STX18: variants seen among roughly 807,000 people sequenced by gnomAD.
STX18 encodes the protein syntaxin 18.
Under a neutral mutation model 50.1 loss-of-function variants are expected in STX18, and 40 were observed. The ratio of observed to expected loss-of-function variants is 0.80; its 90% CI spans 0.62 to 1.04. STX18 has a LOEUF of 1.04. Among genes scored for constraint, STX18 ranks in the 50% least tolerant of loss-of-function variants. The pLI is 0.00. For synonymous variants in STX18, 158 were observed against 151.8 expected, an observed-to-expected ratio of 1.04 and a Z score of -0.30; for missense variants, 410 against 415.8, an observed-to-expected ratio of 0.99 and a Z score of 0.12.
At chr4:4,508,569 G>C (rs559499074) in intron 1 of STX18, among the ~76,000 whole-genome samples, 2 of 152,278 alleles carry the variant, frequency 1.3e-5, no homozygotes, top group Admixed American at 1.3e-4. Flanking sequence ...TTTATTTTAA[G>C]TTCTGGGGTA....
intron 5 of STX18, among the ~76,000 whole-genome samples, chr4:4,439,069 C>G: frequency 6.7e-6 from 1 of 149,316 alleles, no homozygotes; most frequent in Non-Finnish European, 1.5e-5. Context: ...CATATATACC[C>G]ACACACATAT....
intron 1 of STX18, among the ~76,000 whole-genome samples, chr4:4,475,594 G>C (rs1728136897): frequency 6.6e-6 from 1 of 152,084 alleles, no homozygotes; most frequent in African/African-American, 2.4e-5. Flanking sequence ...AGAATGATTT[G>C]ACTGTTTAAT....
chr4:4,445,186 G>C (rs1393454780), intron 5 of STX18, among the ~76,000 whole-genome samples: 2 of 152,168 alleles, frequency 1.3e-5, no homozygotes, highest in Admixed American at 6.5e-5. Context: ...TGGATCACCT[G>C]AGGTGAGGTC....
At chr4:4,461,133 A>G (rs1299081004) in intron 2 of STX18, among the ~76,000 whole-genome samples, 6 of 152,250 alleles carry the variant, frequency 3.9e-5, no homozygotes, top group Non-Finnish European at 7.3e-5. Flanking sequence ...CAGCTCAGTG[A>G]AATTGAAAAG....
intron 1 of STX18, among the ~76,000 whole-genome samples, chr4:4,502,461 G>T (rs1043128363): frequency 2.6e-5 from 4 of 152,106 alleles, no homozygotes; most frequent in Admixed American, 6.6e-5. Flanking sequence ...TGGCATAAAA[G>T]ACTACTCAAG....
intron 5 of STX18, among the ~76,000 whole-genome samples, chr4:4,440,158 G>A (rs1326813645): frequency 6.6e-6 from 1 of 152,206 alleles, no homozygotes; most frequent in African/African-American, 2.4e-5. Context: ...ATTATAGGCA[G>A]AGTGCTATCT....
chr4:4,447,813 A>AT lies in STX18; in HGVS notation c.498-9305dup, dbSNP rs748737587. ...AAAAGGCAGAATGGTTAATAAGACAATTTTTTTTGTGAAGTCTTAAAGCAA... is the reference window on the plus strand; with the variant it reads ...AAAAGGCAGAATGGTTAATAAGACAATTTTTTTTTGTGAAGTCTTAAAGCAA... On this transcript the variant is annotated intron_variant, in intron 5 of 10. Transcript: ENST00000306200. 1.1e-4 allele frequency among the ~76,000 whole-genome samples: 16 copies of AT among 151,936 alleles called. 1 individual carries two copies. The South Asian group carries it at 1.9e-3, about 18-fold the overall frequency.
At chr4:4,423,415 C>A (rs887330442) in intron 9 of STX18, 103 bp downstream of exon 9, 2 of 1,111,972 alleles carry the variant, frequency 1.8e-6, no homozygotes, top group South Asian at 1.3e-5. Context: ...TGGCTCTGCT[C>A]CTGGCTGTGT....
intron 2 of STX18, 49 bp downstream of exon 2, chr4:4,471,590 T>C (rs779336452): frequency 1.2e-5 from 16 of 1,289,194 alleles, no homozygotes; most frequent in African/African-American, 3.0e-5. Flanking sequence ...AATATAGGTG[T>C]AGAAAAGAAC....
At chr4:4,514,874 C>T (rs1730176524) in intron 1 of STX18, among the ~76,000 whole-genome samples, 1 of 151,984 alleles carries the variant, frequency 6.6e-6, no homozygotes, top group Non-Finnish European at 1.5e-5. Context: ...GTTAGGAAGA[C>T]TAATCTTTTG....
intron 1 of STX18, among the ~76,000 whole-genome samples, chr4:4,495,682 C>A (rs1729138310): frequency 6.7e-6 from 1 of 149,196 alleles, no homozygotes; most frequent in South Asian, 2.1e-4. Flanking sequence ...TTAAATTGTA[C>A]AACTAAACGC....
At chr4:4,450,458 C>T (rs1405672805) in intron 5 of STX18, among the ~76,000 whole-genome samples, 1 of 152,158 alleles carries the variant, frequency 6.6e-6, no homozygotes, top group Admixed American at 6.5e-5. Context: ...ATGGCTAGGA[C>T]TATAGGTCAT....
intron 2 of STX18, among the ~76,000 whole-genome samples, chr4:4,470,176 G>C (rs983684749): frequency 6.6e-6 from 1 of 152,212 alleles, no homozygotes; most frequent in Non-Finnish European, 1.5e-5. Flanking sequence ...TCTGAAGTGA[G>C]GGGTCAGGCT....
chr4:4,527,808 TTATA>T (rs1484669977), intron 1 of STX18, among the ~76,000 whole-genome samples: 1 of 146,976 alleles, frequency 6.8e-6, no homozygotes, highest in Non-Finnish European at 1.5e-5. Context: ...ATATATGTTT[TTATA>T]TATATATAAT....
At chr4:4,502,583 A>T (rs1729506138) in intron 1 of STX18, among the ~76,000 whole-genome samples, 1 of 152,170 alleles carries the variant, frequency 6.6e-6, no homozygotes, top group Non-Finnish European at 1.5e-5. Flanking sequence ...GTGAAAAAAA[A>T]ATATTGAGTT....
At chr4:4,523,622 T>G (rs1284392988) in intron 1 of STX18, among the ~76,000 whole-genome samples, 1 of 152,178 alleles carries the variant, frequency 6.6e-6, no homozygotes, top group Admixed American at 6.5e-5. Context: ...TTCTCAAATA[T>G]ATCGAGTCTA....
At position 4,420,219 on chromosome 4, in the gene STX18, C is replaced by T; in HGVS notation, c.913-90G>A. On this transcript the variant is annotated intron_variant, in intron 10 of 10. Transcript: ENST00000306200. This position sits in a 1 kb window ranked among gnomAD's most constrained non-coding sequence, Gnocchi z 4.3. ...TGCCCCCCTCTTCCCACGTGCTCTC[C>T]TGATCCTGGCTGTAACTATGGGTGT... 1 of 959,206 alleles carries T rather than the reference C, an allele frequency of 1.0e-6. No individual in the cohort carries two copies. The highest frequency in any genetic ancestry group is 2.0e-5 in the Admixed American group (1 of 48,930). The allele number at this position is 959,206 out of a possible 1,614,324, so 59.4% of individuals were successfully genotyped here.
chr4:4,526,100 T>C (rs1450761997), intron 1 of STX18, among the ~76,000 whole-genome samples: 1 of 152,098 alleles, frequency 6.6e-6, no homozygotes. Flanking sequence ...TATCTGAGAA[T>C]CTTTGCGTGG....
At chr4:4,433,443 T>A (rs1419807444) in intron 7 of STX18, among the ~76,000 whole-genome samples, 2 of 151,430 alleles carry the variant, frequency 1.3e-5, no homozygotes, top group Non-Finnish European at 2.9e-5. Context: ...CACTTGTTTA[T>A]CTGCTGACCT....
Sources: allele counts gnomAD v4.1 joint callset (sites outside exome capture counted in the v4.1 genomes callset), GRCh38; gene constraint gnomAD v4.1.1; non-coding constraint Gnocchi (gnomAD v3.1); transcripts MANE v1.5; gene names NCBI Gene and HGNC (gene_info 2026-07-23, HGNC 2026-07-21).